The following PHACTR3 variants were observed in gnomAD, a reference collection of about 807,000 sequenced individuals.
The protein encoded by PHACTR3 is protein phosphatase 1, regulatory subunit 123.
PHACTR3 carries 16 observed loss-of-function variants against 66.8 expected under a neutral mutation model. The ratio of observed to expected loss-of-function variants is 0.24; its 90% CI spans 0.16 to 0.36. The LOEUF is 0.36. PHACTR3 is among the 10% of genes least tolerant of loss of function. The pLI is 1.00. For missense variants in PHACTR3, 647 were observed against 719.9 expected (o/e 0.90, Z 1.16); for synonymous variants, 323 against 292.1 (o/e 1.11, Z -1.08).
At chr20:59,819,867 T>C (rs547037242) in intron 8 of PHACTR3, among the ~76,000 whole-genome samples, 126 of 152,396 alleles carry the variant, frequency 8.3e-4, no homozygotes, top group African/African-American at 2.9e-3. Context: ...GTACCGGTAC[T>C]GGCCACACGT....
chr20:59,700,529 C>T (rs1439371329), intron 1 of PHACTR3, among the ~76,000 whole-genome samples: 1 of 152,160 alleles, frequency 6.6e-6, no homozygotes, highest in African/African-American at 2.4e-5. Context: ...AATGCCCTCA[C>T]CAAACTAGGT....
intron 10 of PHACTR3, 146 bp downstream of exon 10, chr20:59,840,576 A>G: frequency 3.8e-6 from 5 of 1,301,608 alleles, no homozygotes; most frequent in South Asian, 1.6e-5. Flanking sequence ...TTAAATCAGG[A>G]TATTTGCTCA....
intron 12 of PHACTR3, 125 bp from the exon 13 acceptor site, chr20:59,846,990 G>A: frequency 9.3e-6 from 6 of 647,272 alleles, no homozygotes; most frequent in Non-Finnish European, 1.6e-5. Context: ...CCATCCTCAT[G>A]TTTTACATAT....
At chr20:59,797,885 T>A (rs1372204623) in intron 7 of PHACTR3, among the ~76,000 whole-genome samples, 2 of 152,170 alleles carry the variant, frequency 1.3e-5, no homozygotes, top group African/African-American at 4.8e-5. Context: ...GCTTTTTTTT[T>A]TAGAGTTTTA....
Position 59,578,682 on chromosome 20 carries a change from C to T in PHACTR3, c.109+1065C>T, listed in dbSNP as rs778279561. Reference sequence around the variant, plus strand: ...CCAGGAGCCCTCCTTCCCCACGAGGCGGTCATGGTGTAGTCCACAGGCTAG... The same window carrying T: ...CCAGGAGCCCTCCTTCCCCACGAGGTGGTCATGGTGTAGTCCACAGGCTAG... On this transcript the variant is annotated intron_variant, in intron 1 of 12. Coordinates refer to the PHACTR3 transcript ENST00000359926. 7.9e-5 allele frequency among the ~76,000 whole-genome samples: 12 copies of T among 152,258 alleles called. No homozygotes were observed. In the South Asian group the frequency reaches 1.7e-3, roughly 21 times the overall value.
At chr20:59,618,164 TGGTGGGGGCAGCTTC>T in intron 1 of PHACTR3, among the ~76,000 whole-genome samples, 1 of 151,818 alleles carries the variant, frequency 6.6e-6, no homozygotes, top group Admixed American at 6.5e-5. Flanking sequence ...AAAGGCCAGG[TGGTGGGGGCAGCTTC>T]GGCTGGAGCC....
intron 1 of PHACTR3, among the ~76,000 whole-genome samples, chr20:59,718,126 C>A (rs1269782958): frequency 6.6e-6 from 1 of 152,226 alleles, no homozygotes; most frequent in Non-Finnish European, 1.5e-5. Flanking sequence ...AACCTTGTCA[C>A]ATGGAAGATT....
chr20:59,801,466 T>G (rs1458594094), intron 7 of PHACTR3, among the ~76,000 whole-genome samples: 1 of 152,248 alleles, frequency 6.6e-6, no homozygotes, highest in African/African-American at 2.4e-5. Flanking sequence ...CTTTTTACTT[T>G]GAAGACTCAG....
intron 1 of PHACTR3, among the ~76,000 whole-genome samples, chr20:59,655,482 G>C (rs2035588065): frequency 6.6e-6 from 1 of 151,820 alleles, no homozygotes; most frequent in Non-Finnish European, 1.5e-5. Context: ...TTATTTCTGT[G>C]ATATTGGTAG....
At chr20:59,588,685 T>A (rs945151873) in intron 1 of PHACTR3, among the ~76,000 whole-genome samples, 6 of 151,182 alleles carry the variant, frequency 4.0e-5, no homozygotes, top group Non-Finnish European at 7.4e-5. Context: ...CCAGCTGCCC[T>A]GTGCTTGCTA....
intron 1 of PHACTR3, chr20:59,676,721 G>C: frequency 2.0e-6 from 2 of 985,214 alleles, no homozygotes; most frequent in Non-Finnish European, 2.4e-6. Flanking sequence ...AGGGGTTCTG[G>C]GGAAGATAAA....
intron 7 of PHACTR3, among the ~76,000 whole-genome samples, chr20:59,794,726 G>A (rs2041202719): frequency 6.6e-6 from 1 of 152,082 alleles, no homozygotes; most frequent in Non-Finnish European, 1.5e-5. Context: ...CTCATTATTG[G>A]TCTGTTCTGA....
chr20:59,674,611 CCCCCCTTCTCCTGTCCCCGCTTCTCCT>C (rs2036343400), intron 1 of PHACTR3, among the ~76,000 whole-genome samples: 1 of 45,726 alleles, frequency 2.2e-5, no homozygotes, highest in Admixed American at 2.6e-4. Context: ...TTCTCCTGTT[CCCCCCTTCTCCTGTCCCCGCTTCTCCT>C]GTTCCTCTCC....
At chr20:59,822,958 G>A (rs2069084871) in intron 8 of PHACTR3, among the ~76,000 whole-genome samples, 1 of 152,188 alleles carries the variant, frequency 6.6e-6, no homozygotes, top group African/African-American at 2.4e-5. Flanking sequence ...GGGCTGGCAG[G>A]GGCCCTGCCC....
chr20:59,759,894 C>G (rs1240287258), intron 4 of PHACTR3, among the ~76,000 whole-genome samples: 1 of 152,190 alleles, frequency 6.6e-6, no homozygotes, highest in East Asian at 1.9e-4. Context: ...TGCTTCTCTC[C>G]TTGACCTTGG....
At chr20:59,711,629 A>C (rs991202445) in intron 1 of PHACTR3, among the ~76,000 whole-genome samples, 6 of 152,210 alleles carry the variant, frequency 3.9e-5, no homozygotes, top group Admixed American at 1.3e-4. Context: ...CAAAACACTT[A>C]TGTTAGCCTA....
At chr20:59,579,348 A>C (rs966964317) in intron 1 of PHACTR3, among the ~76,000 whole-genome samples, 1 of 152,224 alleles carries the variant, frequency 6.6e-6, no homozygotes, top group Non-Finnish European at 1.5e-5. Context: ...CCAAGGAGAA[A>C]GCGGAATATT....
At chr20:59,696,869 C>T (rs779823435) in intron 1 of PHACTR3, among the ~76,000 whole-genome samples, 11 of 152,186 alleles carry the variant, frequency 7.2e-5, no homozygotes, top group Non-Finnish European at 1.6e-4. Context: ...ACCTGGATTG[C>T]TGCTGGGACT....
At chr20:59,595,458 G>A (rs2033300754) in intron 1 of PHACTR3, among the ~76,000 whole-genome samples, 2 of 152,136 alleles carry the variant, frequency 1.3e-5, no homozygotes, top group South Asian at 4.1e-4. Flanking sequence ...AACAAAAATA[G>A]TAAATAAATA....
Sources: allele counts gnomAD v4.1 joint callset (sites outside exome capture counted in the v4.1 genomes callset), GRCh38; gene constraint gnomAD v4.1.1; transcripts MANE v1.5; gene names NCBI Gene and HGNC (gene_info 2026-07-23, HGNC 2026-07-21).